The following STK31 variants were observed in gnomAD, a reference collection of about 807,000 sequenced individuals.
STK31 encodes serine/threonine-protein kinase 31.
A neutral mutation model predicts 129.7 loss-of-function variants in STK31; 89 were observed. The ratio of observed to expected loss-of-function variants is 0.69; its 90% CI spans 0.58 to 0.82. The LOEUF (loss-of-function observed/expected upper bound fraction) is 0.82, where lower values mean the gene tolerates loss of function less well. Ranked by LOEUF, STK31 falls within the 40% of genes least tolerant of loss-of-function variation. The probability of loss-of-function intolerance (pLI) is 0.00; values close to 1 mark genes in which losing one functional copy is unlikely to be tolerated. For synonymous variants in STK31, 448 were observed against 395.3 expected, an observed-to-expected ratio of 1.13 and a Z score of -1.58; for missense variants, 1,187 against 1,176.4, an observed-to-expected ratio of 1.01 and a Z score of -0.13.
At chr7:23,801,728 G>A (rs558381763) in intron 22 of STK31, among the ~76,000 whole-genome samples, 3 of 152,126 alleles carry the variant, frequency 2.0e-5, no homozygotes, top group East Asian at 1.9e-4. Context: ...TAAGGTGGGA[G>A]GTTTATGTCA....
At chr7:23,754,754 G>C (rs536990134) in intron 10 of STK31, among the ~76,000 whole-genome samples, 9 of 152,176 alleles carry the variant, frequency 5.9e-5, no homozygotes, top group African/African-American at 2.2e-4. Context: ...GTAGTGTTTG[G>C]TTTTCTATTC....
chr7:23,717,665 A>G, intron 4 of STK31, 86 bp downstream of exon 4: 1 of 1,049,436 alleles, frequency 9.5e-7, no homozygotes, highest in Non-Finnish European at 1.4e-6. Flanking sequence ...AGTTCCTGGT[A>G]TATTTGAAAA....
chr7:23,715,835 G>C (rs1786282365), intron 3 of STK31, among the ~76,000 whole-genome samples: 1 of 151,772 alleles, frequency 6.6e-6, no homozygotes, highest in Non-Finnish European at 1.5e-5. Flanking sequence ...TGAATATTTT[G>C]TTGGTATATT....
chr7:23,714,076 T>G (rs964850819), intron 3 of STK31, among the ~76,000 whole-genome samples: 1 of 152,192 alleles, frequency 6.6e-6, no homozygotes, highest in African/African-American at 2.4e-5. Flanking sequence ...TTCAGCTTCA[T>G]TATAATCTTA....
chr7:23,830,686 C>G (rs902585703), intron 23 of STK31, among the ~76,000 whole-genome samples: 2 of 151,400 alleles, frequency 1.3e-5, no homozygotes, highest in Non-Finnish European at 2.9e-5. Context: ...GTGGTGTGAT[C>G]TCATCTCACT....
intron 23 of STK31, among the ~76,000 whole-genome samples, chr7:23,830,730 C>T (rs1044958083): frequency 1.3e-5 from 2 of 151,966 alleles, no homozygotes; most frequent in Non-Finnish European, 2.9e-5. Flanking sequence ...AGCAATTCTC[C>T]TGCCTCAGCC....
At position 23,799,969 on chromosome 7, in the gene STK31, C is replaced by T. The variant is rs570231893; in HGVS notation, c.2760+9023C>T. ...CAAAAGAAGACATTTATGTGGCCAA[C>T]AAGCATATGAAAAAAGCTCATCATC... is the stretch of plus-strand genomic sequence containing the variant. On this transcript the variant is annotated intron_variant, in intron 22 of 23. Transcript: ENST00000355870. Among the ~76,000 whole-genome samples, 3 of 152,098 alleles carry T rather than the reference C, an allele frequency of 2.0e-5. No individual in the cohort carries two copies. In the South Asian group the frequency reaches 6.2e-4, roughly 32 times the overall value.
chr7:23,827,658 G>T (rs1022601667), intron 23 of STK31, among the ~76,000 whole-genome samples: 1 of 152,100 alleles, frequency 6.6e-6, no homozygotes. Flanking sequence ...TTCCTTTGTC[G>T]GAGGAGAGGC....
At chr7:23,758,568 T>C (rs1271461875) in intron 10 of STK31, among the ~76,000 whole-genome samples, 1 of 152,150 alleles carries the variant, frequency 6.6e-6, no homozygotes, top group Middle Eastern at 3.2e-3. Context: ...TGTTAAGGTG[T>C]TGATATGAGA....
chr7:23,816,680 C>T (rs1793489609), intron 23 of STK31, among the ~76,000 whole-genome samples: 1 of 152,206 alleles, frequency 6.6e-6, no homozygotes, highest in Admixed American at 6.5e-5. Context: ...CAGCGTGTTT[C>T]ATTGAAATGT....
chr7:23,778,729 C>T (rs932360053), intron 15 of STK31, among the ~76,000 whole-genome samples: 3 of 151,846 alleles, frequency 2.0e-5, no homozygotes, highest in South Asian at 2.1e-4. Flanking sequence ...GTTAGCAATT[C>T]GTCTAACCTT....
intron 3 of STK31, among the ~76,000 whole-genome samples, chr7:23,712,502 C>G (rs1283619651): frequency 6.6e-6 from 1 of 151,936 alleles, no homozygotes; most frequent in Non-Finnish European, 1.5e-5. Flanking sequence ...CATAATACAC[C>G]AAGTTTGAAA....
chr7:23,772,655 T>G (rs1790275576), intron 15 of STK31, among the ~76,000 whole-genome samples: 1 of 152,180 alleles, frequency 6.6e-6, no homozygotes, highest in Admixed American at 6.5e-5. Context: ...TGTCATAAAG[T>G]ATTTTTAAGA....
intron 22 of STK31, among the ~76,000 whole-genome samples, chr7:23,808,340 T>C (rs765372229): frequency 4.6e-5 from 7 of 151,804 alleles, no homozygotes; most frequent in Non-Finnish European, 8.8e-5. Context: ...TTCAGCACTT[T>C]ATTGAGTTCT....
At chr7:23,729,874 A>G (rs561962552) in intron 6 of STK31, among the ~76,000 whole-genome samples, 4 of 152,208 alleles carry the variant, frequency 2.6e-5, no homozygotes, top group Non-Finnish European at 5.9e-5. Flanking sequence ...TGTTTTGGGA[A>G]AGTATTTATT....
chr7:23,753,925 T>C (rs1788886290), intron 9 of STK31, among the ~76,000 whole-genome samples: 1 of 152,210 alleles, frequency 6.6e-6, no homozygotes, highest in South Asian at 2.1e-4. Context: ...GGGTTTCTTA[T>C]ATGTCTTTTC....
At chr7:23,733,618 C>T (rs775981801) in intron 6 of STK31, among the ~76,000 whole-genome samples, 11 of 151,812 alleles carry the variant, frequency 7.2e-5, no homozygotes, top group Non-Finnish European at 1.5e-4. Context: ...ACCATCCTGG[C>T]TAACATGGTG....
At chr7:23,740,520 G>A (rs1300225969) in intron 8 of STK31, among the ~76,000 whole-genome samples, 2 of 151,794 alleles carry the variant, frequency 1.3e-5, no homozygotes, top group African/African-American at 2.4e-5. Flanking sequence ...TATACTTTAA[G>A]TTTTAGGGTA....
At chr7:23,810,727 A>T (rs1382402050) in intron 22 of STK31, among the ~76,000 whole-genome samples, 1 of 33,190 alleles carries the variant, frequency 3.0e-5, no homozygotes, top group African/African-American at 9.3e-5. Flanking sequence ...ATATATATAA[A>T]ATAGATATAT....
Sources: gnomAD v4.1 joint callset for allele counts (sites outside exome capture counted in the v4.1 genomes callset) on GRCh38, gnomAD v4.1.1 for gene constraint, MANE v1.5 for transcripts, NCBI Gene and HGNC (gene_info 2026-07-23, HGNC 2026-07-21) for gene names.